Variants in PRDM8 observed in about 807,000 individuals in gnomAD.
PRDM8 encodes PR domain zinc finger protein 8.
A neutral mutation model predicts 46.5 loss-of-function variants in PRDM8; 13 were observed. The observed-to-expected ratio is 0.28, with a 90% CI of 0.18 to 0.44. PRDM8 has a LOEUF of 0.44. Among genes scored for constraint, PRDM8 ranks in the 20% least tolerant of loss-of-function variants. The pLI, the probability that PRDM8 is intolerant of heterozygous loss-of-function variation, is 1.00. For missense variants in PRDM8, 998 were observed against 955.0 expected, an observed-to-expected ratio of 1.04 and a Z score of -0.59; for synonymous variants, 473 against 438.4, an observed-to-expected ratio of 1.08 and a Z score of -0.98.
At chr4:80,196,642 C>G, upstream of PRDM8, 1 of 981,992 alleles carries the variant, frequency 1.0e-6, no homozygotes, top group Non-Finnish European at 1.2e-6. Context: ...CCCCCAACCC[C>G]AAGACCTCAG....
intron 1 of PRDM8, among the ~76,000 whole-genome samples, chr4:80,199,519 C>T (rs982329520): frequency 6.6e-6 from 1 of 152,026 alleles, no homozygotes; most frequent in Non-Finnish European, 1.5e-5. Flanking sequence ...ATCCATTCGC[C>T]ATGCTCCGCT....
chr4:80,195,806 T>C (rs1225651388), upstream of PRDM8, among the ~76,000 whole-genome samples: 2 of 152,178 alleles, frequency 1.3e-5, no homozygotes, highest in East Asian at 3.9e-4. Flanking sequence ...TCTGAATATA[T>C]GGGGATTTTG....
At chr4:80,188,254 T>A (rs978677495) in intron 1 of PRDM8, among the ~76,000 whole-genome samples, 4 of 152,240 alleles carry the variant, frequency 2.6e-5, no homozygotes, top group African/African-American at 9.6e-5. Flanking sequence ...ACTGAGCTGC[T>A]TTAAACTTTG....
At chr4:80,198,989 T>G (rs1181169400) in intron 1 of PRDM8, among the ~76,000 whole-genome samples, 5 of 100,752 alleles carry the variant, frequency 5.0e-5, no homozygotes, top group Non-Finnish European at 7.0e-5. Context: ...GGTTTTTTTT[T>G]TTTTGTTTTT....
intron 1 of PRDM8, among the ~76,000 whole-genome samples, chr4:80,187,734 CTCCT>C (rs1737230565): frequency 6.6e-6 from 1 of 152,212 alleles, no homozygotes; most frequent in African/African-American, 2.4e-5. Context: ...CAACCTCCTG[CTCCT>C]CCTGTCCTCG....
chr4:80,189,438 T>C (rs534267895), intron 1 of PRDM8, among the ~76,000 whole-genome samples: 2 of 151,396 alleles, frequency 1.3e-5, no homozygotes, highest in Admixed American at 1.3e-4. Context: ...GGGTGGGAGG[T>C]GCGCGGTGCG....
Position 80,203,470 on chromosome 4 carries a change from A to G in PRDM8, c.2008A>G (p.Ile670Val). 1 of 1,613,518 alleles carries G rather than the reference A, an allele frequency of 6.2e-7. No homozygotes were observed. Among genetic ancestry groups the G allele is most frequent in the Non-Finnish European group, 8.5e-7 (1 of 1,179,816 alleles). ...GCGAGAGGAGAAACTCAAGTGCCCC[A>G]TCTGCAATGAGTCCTTCAGGGAGCG... is the stretch of plus-strand genomic sequence containing the variant. ...RRREEKLKCP[I>V]CNESFRERHH... The change falls in exon 4 of 4, where the codon ATC becomes GTC. Residue 670 changes from isoleucine to valine, a missense_variant. Coordinates refer to ENST00000415738, the MANE Select transcript of PRDM8 (RefSeq NM_001099403.2).
At chr4:80,198,541 T>C (rs1738146275) in intron 1 of PRDM8, among the ~76,000 whole-genome samples, 1 of 152,192 alleles carries the variant, frequency 6.6e-6, no homozygotes, top group Non-Finnish European at 1.5e-5. Flanking sequence ...GGATAGATGA[T>C]GCAGAATAAA....
At position 80,203,860 on chromosome 4, in the gene PRDM8, A is replaced by G; in HGVS notation, c.*328A>G. 4.8e-6 allele frequency: 1 copy of G among 207,332 alleles called. No homozygotes were observed. The highest frequency in any genetic ancestry group is 1.1e-4 in the East Asian group (1 of 9,014). 12.8% of individuals were successfully genotyped at this position (207,332 alleles called of 1,614,324 possible). ...TGCACGCATTTTCACTTTCCCCAAAACAAAGGTACATTTTTTAAAATGTCA... is the reference window on the plus strand; with the variant it reads ...TGCACGCATTTTCACTTTCCCCAAAGCAAAGGTACATTTTTTAAAATGTCA... On this transcript the variant is annotated 3_prime_UTR_variant, in exon 4 of 4. Transcript: ENST00000415738.
intron 1 of PRDM8, among the ~76,000 whole-genome samples, chr4:80,187,204 G>T (rs17004833): frequency 0.19 from 27,699 of 145,634 alleles, 2,891 homozygotes; most frequent in Non-Finnish European, 0.22. Flanking sequence ...AGAAGTTTAC[G>T]AAATACCCCA....
Position 80,203,413 on chromosome 4 carries a change from G to A in PRDM8, c.1951G>A (p.Glu651Lys). Residue 651 changes from glutamate to lysine, a missense_variant, in exon 4 of 4, where the codon GAG (glutamate) becomes AAG (lysine). Transcript: ENST00000415738. ...VYHMRSHHKK[E>K]YAMEPLVKRR... Reference sequence around the variant, plus strand: ...CCATATGAGGTCGCACCACAAAAAGGAGTATGCGATGGAGCCCTTGGTGAA... The same window carrying A: ...CCATATGAGGTCGCACCACAAAAAGAAGTATGCGATGGAGCCCTTGGTGAA... 6.2e-7 allele frequency: 1 copy of A among 1,613,854 alleles called. No individual in the cohort carries two copies. Among genetic ancestry groups the A allele is most frequent in the Admixed American group, 1.7e-5 (1 of 60,000 alleles).
Position 80,200,067 on chromosome 4 carries a change from G to A in PRDM8, c.-2-12G>A. ...CATAACTCACTTTCTTGTGCTGTGT[G>A]TCTATCTCCAGTGATGGAGGATACT... On this transcript the variant is annotated splice_polypyrimidine_tract_variant and intron_variant, in intron 1 of 3. Coordinates refer to ENST00000415738, the MANE Select transcript of PRDM8 (RefSeq NM_001099403.2). 1 of 1,602,026 alleles carries A rather than the reference G, an allele frequency of 6.2e-7. No homozygotes were observed.
chr4:80,195,335 C>T (rs1737863027), upstream of PRDM8, among the ~76,000 whole-genome samples: 1 of 152,162 alleles, frequency 6.6e-6, no homozygotes, highest in African/African-American at 2.4e-5. Context: ...GCCTCTTCTG[C>T]TCTTTATTTT....
intron 1 of PRDM8, among the ~76,000 whole-genome samples, chr4:80,185,825 T>G (rs1197683041): frequency 6.6e-6 from 1 of 152,248 alleles, no homozygotes; most frequent in African/African-American, 2.4e-5. Flanking sequence ...TCCAGTTCCC[T>G]CATAATCGTA....
In PRDM8 at chr4:80,200,146, G is replaced by C; in HGVS notation, c.66G>C (p.Leu22=). Residue 22 remains leucine (L), a synonymous_variant, in exon 2 of 4, where the codon CTG becomes CTC. Coordinates refer to ENST00000415738, the MANE Select transcript of PRDM8 (RefSeq NM_001099403.2). ...DGDAKAVQQC[L]TDIFTSVYTT... Reference sequence around the variant, plus strand: ...ATGCCAAGGCTGTCCAACAATGTCTGACAGATATTTTTACCAGCGTTTACA... The same window carrying C: ...ATGCCAAGGCTGTCCAACAATGTCTCACAGATATTTTTACCAGCGTTTACA... The C allele has an allele frequency of 1.2e-6, 2 of 1,614,120 alleles. No individual in the cohort carries two copies. Among genetic ancestry groups the C allele is most frequent in the African/African-American group, 1.3e-5 (1 of 75,014 alleles).
upstream of PRDM8, among the ~76,000 whole-genome samples, chr4:80,193,380 C>T (rs1737696750): frequency 6.6e-6 from 1 of 152,174 alleles, no homozygotes; most frequent in Non-Finnish European, 1.5e-5. Flanking sequence ...ACTCAGCAAG[C>T]ATGGCTCTTC....
intron 1 of PRDM8, among the ~76,000 whole-genome samples, 195 bp downstream of exon 1, chr4:80,197,958 T>A (rs1012093203): frequency 6.6e-6 from 1 of 152,180 alleles, no homozygotes; most frequent in African/African-American, 2.4e-5. Context: ...AGCCGGAGAC[T>A]GGGGAGCGCG....
chr4:80,186,700 G>C (rs1282929510), intron 1 of PRDM8, among the ~76,000 whole-genome samples: 2 of 152,118 alleles, frequency 1.3e-5, no homozygotes, highest in African/African-American at 4.8e-5. Flanking sequence ...AAATCTGTTA[G>C]TGCCCCTTTT....
At chr4:80,187,423 G>C (rs928220506) in intron 1 of PRDM8, among the ~76,000 whole-genome samples, 2 of 152,152 alleles carry the variant, frequency 1.3e-5, no homozygotes, top group Non-Finnish European at 2.9e-5. Flanking sequence ...TATTGAAGGA[G>C]AGGGGGAAAT....
Sources: allele counts gnomAD v4.1 joint callset (sites outside exome capture counted in the v4.1 genomes callset), GRCh38; gene constraint gnomAD v4.1.1; transcripts MANE v1.5; gene names NCBI Gene and HGNC (gene_info 2026-07-23, HGNC 2026-07-21).